Variants in SBF2 observed in about 807,000 individuals in gnomAD.
SBF2 encodes SET binding factor 2.
SBF2 carries 112 observed loss-of-function variants against 225.2 expected under a neutral mutation model. The observed-to-expected ratio is 0.50, with a 90% CI of 0.43 to 0.58. The LOEUF is 0.58. Ranked by LOEUF, SBF2 falls within the 20% of genes least tolerant of loss-of-function variation. The pLI is 0.00. For synonymous variants in SBF2, 763 were observed against 773.3 expected, an observed-to-expected ratio of 0.99 and a Z score of 0.22; for missense variants, 1,996 against 2,206.2, an observed-to-expected ratio of 0.90 and a Z score of 1.91.
At chr11:10,135,276 CA>C (rs1481781791) in intron 2 of SBF2, among the ~76,000 whole-genome samples, 1 of 151,960 alleles carries the variant, frequency 6.6e-6, no homozygotes, top group East Asian at 1.9e-4. Context: ...CCCAGGAAAC[CA>C]TTTTTTCCTC....
rs745743596 is a variant in SBF2 at position 9,839,468 on chromosome 11, C to T, written c.3455+30G>A. ...TCAAATAAGAAGAAAGGAAGGAAGACCTCTTTTTGGAGCCCACTGACACAC... is the reference window on the plus strand; with the variant it reads ...TCAAATAAGAAGAAAGGAAGGAAGATCTCTTTTTGGAGCCCACTGACACAC... On this transcript the variant is annotated intron_variant, in intron 26 of 39. Transcript: ENST00000256190. The T allele has an allele frequency of 4.4e-6, 7 of 1,602,484 alleles. No homozygotes were observed. The South Asian group carries it at 5.5e-5, about 13-fold the overall frequency.
intron 32 of SBF2, among the ~76,000 whole-genome samples, chr11:9,805,517 G>T (rs1410798403): frequency 2.0e-5 from 3 of 152,304 alleles, no homozygotes; most frequent in Non-Finnish European, 2.9e-5. Flanking sequence ...TGGAGCCACT[G>T]AAGGTTTTTG....
At chr11:9,811,976 A>G (rs562302146) in intron 30 of SBF2, among the ~76,000 whole-genome samples, 8 of 152,304 alleles carry the variant, frequency 5.3e-5, no homozygotes, top group South Asian at 2.1e-4. Flanking sequence ...TAATTTCTCA[A>G]TAAAAGTTCA....
chr11:9,909,920 T>C (rs1862456359), intron 16 of SBF2, among the ~76,000 whole-genome samples: 1 of 152,304 alleles, frequency 6.6e-6, no homozygotes, highest in East Asian at 1.9e-4. Context: ...GAAGAAATGA[T>C]ATATATTTTA....
At chr11:10,090,343 T>C (rs1208484588) in intron 2 of SBF2, among the ~76,000 whole-genome samples, 1 of 152,360 alleles carries the variant, frequency 6.6e-6, no homozygotes, top group Middle Eastern at 3.4e-3. Context: ...TTATGTTATA[T>C]ATATTTTAAC....
intron 2 of SBF2, among the ~76,000 whole-genome samples, chr11:10,143,253 C>A (rs1221526020): frequency 6.6e-6 from 1 of 151,986 alleles, no homozygotes; most frequent in Non-Finnish European, 1.5e-5. Flanking sequence ...CTCACCGTAA[C>A]CTCTGCCTCC....
chr11:10,165,139 A>C lies in SBF2; in HGVS notation c.141+28763T>G, dbSNP rs565614226. ...TCGGGCCCTCCTATTTTCTATTTTT[A>C]ATCTGGAGAAATACCTATTCTAGCA... On this transcript the variant is annotated intron_variant, in intron 2 of 39. Coordinates refer to ENST00000256190, the MANE Select transcript of SBF2 (RefSeq NM_030962.4). 3.9e-5 allele frequency: 6 copies of C among 152,298 alleles called. 1 individual carries two copies. The South Asian group carries it at 1.2e-3, about 32-fold the overall frequency. The allele number at this position is 152,298 out of a possible 1,614,324, so 9.4% of individuals were successfully genotyped here. A position where few individuals can be genotyped will look rare whatever the true frequency, so the allele number is the denominator to read the frequency against.
intron 1 of SBF2, among the ~76,000 whole-genome samples, chr11:10,206,763 G>A (rs1957765080): frequency 6.6e-6 from 1 of 152,044 alleles, no homozygotes; most frequent in African/African-American, 2.4e-5. Flanking sequence ...CAGTGAACTT[G>A]AGGTGAAATC....
chr11:10,160,485 C>A (rs1955682699), intron 2 of SBF2, among the ~76,000 whole-genome samples: 1 of 152,022 alleles, frequency 6.6e-6, no homozygotes, highest in Admixed American at 6.5e-5. Context: ...AAAGGAAAGA[C>A]AGGAGGAAAA....
chr11:9,873,486 C>A (rs949271784), intron 17 of SBF2, among the ~76,000 whole-genome samples: 1 of 152,082 alleles, frequency 6.6e-6, no homozygotes, highest in Non-Finnish European at 1.5e-5. Context: ...GAAGCAGCAG[C>A]CAGGGGCTCA....
chr11:9,911,255 C>T (rs535521802), intron 16 of SBF2, among the ~76,000 whole-genome samples: 1 of 151,760 alleles, frequency 6.6e-6, no homozygotes, highest in South Asian at 2.1e-4. Flanking sequence ...GTAATCCCAG[C>T]TACTCAGGAG....
At chr11:10,005,705 T>C (rs1408944646) in intron 6 of SBF2, among the ~76,000 whole-genome samples, 1 of 152,150 alleles carries the variant, frequency 6.6e-6, no homozygotes, top group East Asian at 1.9e-4. Flanking sequence ...TTCCCTAATG[T>C]TAACATACTT....
chr11:10,298,814 A>C (rs1366664430), upstream of SBF2, among the ~76,000 whole-genome samples: 1 of 151,968 alleles, frequency 6.6e-6, no homozygotes, highest in Non-Finnish European at 1.5e-5. Context: ...CTCCACCCTC[A>C]CTGCCACCCC....
At chr11:10,299,737 A>T (rs936722730) in intron 1 of SBF2, among the ~76,000 whole-genome samples, 1 of 146,250 alleles carries the variant, frequency 6.8e-6, no homozygotes, top group African/African-American at 2.5e-5. Flanking sequence ...AATAAATGTT[A>T]TGGGGGGACT....
intron 2 of SBF2, among the ~76,000 whole-genome samples, chr11:10,123,969 T>A (rs1385396943): frequency 6.6e-6 from 1 of 152,218 alleles, no homozygotes; most frequent in Non-Finnish European, 1.5e-5. Context: ...AGAATCTCAC[T>A]ATTAAAGTGT....
At chr11:10,026,906 T>C (rs1233358570) in intron 6 of SBF2, among the ~76,000 whole-genome samples, 4 of 152,156 alleles carry the variant, frequency 2.6e-5, no homozygotes, top group Admixed American at 6.5e-5. Flanking sequence ...TTAAATATTT[T>C]AAGGCTTAAC....
chr11:10,196,837 A>T (rs186748514), intron 1 of SBF2, among the ~76,000 whole-genome samples: 179 of 83,412 alleles, frequency 2.1e-3, no homozygotes, highest in African/African-American at 4.2e-3. Context: ...TTCTTGCATA[A>T]ATATATATAT....
chr11:10,225,629 G>T (rs1242949914), intron 1 of SBF2, among the ~76,000 whole-genome samples: 1 of 152,056 alleles, frequency 6.6e-6, no homozygotes, highest in South Asian at 2.1e-4. Context: ...AGAAAAAAGT[G>T]CTGGGTTTTT....
At chr11:10,005,227 T>A (rs1948141125) in intron 6 of SBF2, among the ~76,000 whole-genome samples, 1 of 152,072 alleles carries the variant, frequency 6.6e-6, no homozygotes, top group African/African-American at 2.4e-5. Flanking sequence ...ATGGCAGAGT[T>A]TAACTGGTAT....
Sources: allele counts gnomAD v4.1 joint callset (sites outside exome capture counted in the v4.1 genomes callset), GRCh38; gene constraint gnomAD v4.1.1; transcripts MANE v1.5; gene names NCBI Gene and HGNC (gene_info 2026-07-23, HGNC 2026-07-21).